PCDH15: variants seen among roughly 807,000 people sequenced by gnomAD.
PCDH15 encodes the protein protocadherin related 15.
A neutral mutation model predicts 178.5 loss-of-function variants in PCDH15; 129 were observed. The ratio of observed to expected loss-of-function variants is 0.72; its 90% CI spans 0.63 to 0.84. The LOEUF (loss-of-function observed/expected upper bound fraction) is 0.84, where lower values mean the gene tolerates loss of function less well. PCDH15 is among the 40% of genes least tolerant of loss of function. The pLI, the probability that PCDH15 is intolerant of heterozygous loss-of-function variation, is 0.00. For synonymous variants in PCDH15, 800 were observed against 732.0 expected (o/e 1.09, Z -1.50); for missense variants, 2,230 against 2,099.9 (o/e 1.06, Z -1.21).
At position 54,592,554 on chromosome 10, in the gene PCDH15, T is replaced by G. The variant is rs141188872; in HGVS notation, c.92-64677A>C. On this transcript the variant is annotated intron_variant, in intron 2 of 37. Coordinates refer to ENST00000644397, the MANE Select transcript of PCDH15 (RefSeq NM_001384140.1). ...TACATTAGATATACTGTTACCATGCTGTACAATAGGTATATGCCACATTTT... is the reference window on the plus strand; with the variant it reads ...TACATTAGATATACTGTTACCATGCGGTACAATAGGTATATGCCACATTTT... Among the ~76,000 whole-genome samples, 4 of 152,332 alleles carry G rather than the reference T, an allele frequency of 2.6e-5. No homozygotes were observed. In the East Asian group the frequency reaches 7.7e-4, roughly 29 times the overall value.
At chr10:55,613,473 C>G (rs1246687579) in intron 2 of PCDH15, among the ~76,000 whole-genome samples, 2 of 152,194 alleles carry the variant, frequency 1.3e-5, no homozygotes, top group African/African-American at 4.8e-5. Flanking sequence ...AGACATTCAA[C>G]TTTCAAACAG....
At chr10:54,778,000 A>G (rs1949888226) in intron 1 of PCDH15, among the ~76,000 whole-genome samples, 1 of 152,224 alleles carries the variant, frequency 6.6e-6, no homozygotes. Context: ...GGAGTTATTA[A>G]TTATGTGCAT....
At chr10:55,582,910 T>G (rs1035304122) in intron 2 of PCDH15, among the ~76,000 whole-genome samples, 2 of 151,950 alleles carry the variant, frequency 1.3e-5, no homozygotes, top group Admixed American at 6.6e-5. Context: ...AATACGTAAT[T>G]GCCATTAATA....
intron 23 of PCDH15, among the ~76,000 whole-genome samples, chr10:53,945,835 TTGTATATATATATATATATATA>T (rs2086500737): frequency 1.1e-5 from 1 of 92,362 alleles, no homozygotes; most frequent in Non-Finnish European, 2.1e-5. Flanking sequence ...TAATATTTCA[TTGTATATATATATATATATATA>T]TATATATATA....
In PCDH15 at chr10:54,471,652, AT is replaced by A. The variant is rs763571403; in HGVS notation, c.157+56159del. Among the ~76,000 whole-genome samples, 540 of 149,010 alleles carry A rather than the reference AT, an allele frequency of 3.6e-3. 3 individuals are homozygous for A. The highest frequency in any genetic ancestry group is 8.8e-3 in the East Asian group (45 of 5,130). On this transcript the variant is annotated intron_variant, in intron 3 of 37. Coordinates refer to ENST00000644397, the MANE Select transcript of PCDH15 (RefSeq NM_001384140.1). The stretch of plus-strand genomic sequence containing the variant: ...TTTTAAATTTTATTTATATTTTTTG[AT>A]TTTTTTTTTACTATAGAATATAGTT...
At chr10:55,001,635 G>C (rs1382596215) in intron 2 of PCDH15, among the ~76,000 whole-genome samples, 2 of 152,120 alleles carry the variant, frequency 1.3e-5, no homozygotes, top group East Asian at 3.9e-4. Flanking sequence ...TGTGTACAGT[G>C]GTAAGACCTC....
intron 2 of PCDH15, among the ~76,000 whole-genome samples, chr10:55,335,152 T>A (rs935049752): frequency 6.6e-6 from 1 of 152,274 alleles, no homozygotes; most frequent in East Asian, 1.9e-4. Context: ...AACCCAGAAG[T>A]GCAGCTTTTT....
intron 2 of PCDH15, among the ~76,000 whole-genome samples, chr10:54,905,070 A>G (rs908804886): frequency 3.9e-5 from 6 of 152,028 alleles, no homozygotes; most frequent in South Asian, 2.1e-4. Flanking sequence ...AAGAAAACCA[A>G]TGTTCAGAGA....
At chr10:54,430,104 G>C (rs1245609167) in intron 3 of PCDH15, among the ~76,000 whole-genome samples, 1 of 147,778 alleles carries the variant, frequency 6.8e-6, no homozygotes, top group Non-Finnish European at 1.5e-5. Flanking sequence ...CACCCAGGCT[G>C]GAGTGCAACT....
At chr10:54,232,924 C>CTTTTTTT (rs762364718) in intron 9 of PCDH15, among the ~76,000 whole-genome samples, 1,624 of 109,004 alleles carry the variant, frequency 0.015, 63 homozygotes, top group African/African-American at 0.057. Flanking sequence ...AGCTTTCTTT[C>CTTTTTTT]TTTTTTTTTT....
intron 5 of PCDH15, among the ~76,000 whole-genome samples, chr10:54,363,892 G>T (rs1474676003): frequency 6.6e-6 from 1 of 151,944 alleles, no homozygotes; most frequent in Non-Finnish European, 1.5e-5. Context: ...TTTTTTATTT[G>T]TTGCTGATGT....
intron 1 of PCDH15, among the ~76,000 whole-genome samples, chr10:55,297,246 AAATTT>A (rs1165244545): frequency 6.6e-6 from 1 of 152,150 alleles, no homozygotes; most frequent in Non-Finnish European, 1.5e-5. Context: ...AAATGATTGC[AAATTT>A]ATATAGGGTG....
At chr10:55,343,151 A>C (rs1030012183) in intron 2 of PCDH15, among the ~76,000 whole-genome samples, 1 of 152,144 alleles carries the variant, frequency 6.6e-6, no homozygotes, top group Non-Finnish European at 1.5e-5. Flanking sequence ...AGAACATTTA[A>C]TGACTAGATA....
At chr10:55,446,945 G>C (rs1839331289) in intron 2 of PCDH15, among the ~76,000 whole-genome samples, 2 of 151,978 alleles carry the variant, frequency 1.3e-5, no homozygotes, top group African/African-American at 4.8e-5. Flanking sequence ...TACATTCTGG[G>C]GTAGTTTGTA....
chr10:54,327,414 C>T (rs990938153), intron 7 of PCDH15, among the ~76,000 whole-genome samples: 9 of 149,896 alleles, frequency 6.0e-5, no homozygotes, highest in Admixed American at 4.0e-4. Flanking sequence ...TACAGACACA[C>T]ACATAATACA....
chr10:55,556,284 A>G (rs1842089547), intron 2 of PCDH15, among the ~76,000 whole-genome samples: 1 of 152,120 alleles, frequency 6.6e-6, no homozygotes, highest in Non-Finnish European at 1.5e-5. Context: ...TACACATGTC[A>G]TCTGGTTTTC....
chr10:54,714,415 T>C (rs2095456572), intron 1 of PCDH15, among the ~76,000 whole-genome samples: 1 of 152,190 alleles, frequency 6.6e-6, no homozygotes, highest in Non-Finnish European at 1.5e-5. Flanking sequence ...TTCATACATG[T>C]AAACTTCAAA....
Position 54,469,172 on chromosome 10 carries a change from C to T in PCDH15, c.157+58640G>A, listed in dbSNP as rs118143859. ...ACTGCAGTGGCACGATCTCTGCTCA[C>T]TGCAAATTCCACCTCCAAGGTTCAA... On this transcript the variant is annotated intron_variant, in intron 3 of 37. Coordinates refer to ENST00000644397, the MANE Select transcript of PCDH15 (RefSeq NM_001384140.1). Among the ~76,000 whole-genome samples, 140 of 152,334 alleles carry T rather than the reference C, an allele frequency of 9.2e-4. 1 individual carries two copies. The highest frequency in any genetic ancestry group is 8.3e-3 in the East Asian group (43 of 5,170).
At chr10:54,870,940 T>C (rs1014844380) in intron 3 of PCDH15, among the ~76,000 whole-genome samples, 24 of 151,974 alleles carry the variant, frequency 1.6e-4, no homozygotes, top group African/African-American at 3.1e-4. Flanking sequence ...TTAGCTAAAG[T>C]ATAATTTTGA....
Sources: gnomAD v4.1 joint callset for allele counts (sites outside exome capture counted in the v4.1 genomes callset) on GRCh38, gnomAD v4.1.1 for gene constraint, MANE v1.5 for transcripts, NCBI Gene and HGNC (gene_info 2026-07-23, HGNC 2026-07-21) for gene names.